CNBD1: variants seen among roughly 807,000 people sequenced by gnomAD.
The protein encoded by CNBD1 is cyclic nucleotide binding domain containing 1.
A neutral mutation model predicts 54.4 loss-of-function variants in CNBD1; 71 were observed. The ratio of observed to expected loss-of-function variants is 1.30; its 90% CI spans 1.08 to 1.59. The LOEUF is 1.59. Ranked by LOEUF, CNBD1 falls within the 40% of genes most tolerant of loss-of-function variation. CNBD1 has a pLI of 0.00. For synonymous variants in CNBD1, 182 were observed against 170.7 expected (o/e 1.07, Z -0.51); for missense variants, 659 against 518.0 (o/e 1.27, Z -2.64).
At chr8:87,114,832 G>T (rs1811737397) in intron 4 of CNBD1, among the ~76,000 whole-genome samples, 1 of 152,070 alleles carries the variant, frequency 6.6e-6, no homozygotes, top group African/African-American at 2.4e-5. Context: ...TACTACTTGT[G>T]TCTCTTTGAC....
chr8:86,933,708 C>T (rs991845251), intron 3 of CNBD1, among the ~76,000 whole-genome samples: 12 of 151,964 alleles, frequency 7.9e-5, no homozygotes, highest in Admixed American at 2.6e-4. Context: ...TGGGTGGGTA[C>T]ATTAAGATTC....
At chr8:87,266,436 A>AAAAAAATT in intron 6 of CNBD1, among the ~76,000 whole-genome samples, 1 of 76,226 alleles carries the variant, frequency 1.3e-5, no homozygotes, top group Non-Finnish European at 3.1e-5. Context: ...AAAAAAAAAA[A>AAAAAAATT]TCTTTTTTTT....
intron 8 of CNBD1, among the ~76,000 whole-genome samples, chr8:87,299,982 T>A (rs181748061): frequency 2.6e-5 from 4 of 152,012 alleles, no homozygotes; most frequent in Non-Finnish European, 5.9e-5. Context: ...GGCCTAGAAA[T>A]ATGGAGAAAA....
chr8:87,013,281 A>C (rs1192205815), intron 4 of CNBD1, among the ~76,000 whole-genome samples: 1 of 152,188 alleles, frequency 6.6e-6, no homozygotes, highest in Non-Finnish European at 1.5e-5. Flanking sequence ...GCAAGTTTGG[A>C]GGTGCATTTC....
chr8:87,001,778 T>C (rs563473921), intron 4 of CNBD1, among the ~76,000 whole-genome samples: 19 of 152,290 alleles, frequency 1.2e-4, no homozygotes, highest in Admixed American at 6.5e-5. Flanking sequence ...TATTAATGTC[T>C]TTAACTGGGG....
intron 1 of CNBD1, among the ~76,000 whole-genome samples, chr8:86,883,835 A>C (rs1808638372): frequency 2.6e-5 from 4 of 152,190 alleles, no homozygotes; most frequent in African/African-American, 7.2e-5. Context: ...AAGAGAAGTT[A>C]TTTTGATAAT....
chr8:87,132,616 A>T (rs930597295), intron 4 of CNBD1, among the ~76,000 whole-genome samples: 1 of 147,780 alleles, frequency 6.8e-6, no homozygotes, highest in African/African-American at 2.5e-5. Context: ...ATATATATTT[A>T]TGTATAATAT....
intron 4 of CNBD1, among the ~76,000 whole-genome samples, chr8:86,968,759 A>G (rs192226659): frequency 2.0e-5 from 3 of 152,344 alleles, no homozygotes; most frequent in Admixed American, 2.0e-4. Flanking sequence ...ATAGTTACTC[A>G]TAACTTAGTG....
chr8:87,159,021 AT>A lies in CNBD1; in HGVS notation c.432-46965del, dbSNP rs570676228. Among the ~76,000 whole-genome samples, 192 of 152,216 alleles carry A rather than the reference AT, an allele frequency of 1.3e-3. 4 individuals carry two copies. Among genetic ancestry groups the A allele is most frequent in the Non-Finnish European group, 9.7e-4 (66 of 67,998 alleles). ...GCTTATGGAATCCATTATTTATTTC[AT>A]TTTTTTGTAAGATCTAAGTAATATT... is the stretch of plus-strand genomic sequence containing the variant. On this transcript the variant is annotated intron_variant, in intron 4 of 10. Coordinates refer to ENST00000518476, the MANE Select transcript of CNBD1 (RefSeq NM_173538.3).
intron 6 of CNBD1, among the ~76,000 whole-genome samples, chr8:87,255,615 A>G (rs1169796896): frequency 6.6e-6 from 1 of 151,860 alleles, no homozygotes; most frequent in Non-Finnish European, 1.5e-5. Context: ...AGCATTTAAT[A>G]CAAATCTTTT....
intron 2 of CNBD1, among the ~76,000 whole-genome samples, chr8:87,397,968 C>T (rs111716126): frequency 0.015 from 2,280 of 152,016 alleles, 58 homozygotes; most frequent in African/African-American, 0.049. Flanking sequence ...TTCCCTTCTG[C>T]CATGATTATG....
At chr8:87,124,305 A>G (rs185332579) in intron 4 of CNBD1, among the ~76,000 whole-genome samples, 1 of 151,826 alleles carries the variant, frequency 6.6e-6, no homozygotes, top group Admixed American at 6.6e-5. Flanking sequence ...TTCTCCAGAC[A>G]TATGTTAGGT....
chr8:87,230,480 T>C (rs115115860), intron 5 of CNBD1, among the ~76,000 whole-genome samples: 6,074 of 152,272 alleles, frequency 0.04, 378 homozygotes, highest in African/African-American at 0.13. Context: ...AGAGCACTCA[T>C]ATGTATGTAT....
intron 2 of CNBD1, among the ~76,000 whole-genome samples, chr8:87,406,148 A>G (rs1807648538): frequency 2.0e-5 from 3 of 152,126 alleles, no homozygotes; most frequent in African/African-American, 7.2e-5. Flanking sequence ...AATTTAAAAG[A>G]TCATTAATTT....
chr8:87,270,348 A>G (rs9886390), intron 6 of CNBD1, among the ~76,000 whole-genome samples: 42,722 of 151,838 alleles, frequency 0.28, 6,452 homozygotes, highest in African/African-American at 0.39. Flanking sequence ...TGTGGCCAAC[A>G]AGCATATGAA....
intron 8 of CNBD1, among the ~76,000 whole-genome samples, chr8:87,324,626 A>G (rs7827085): frequency 0.052 from 7,838 of 150,622 alleles, 646 homozygotes; most frequent in African/African-American, 0.18. Context: ...GGTAGTTTGT[A>G]TTTCTGTGGG....
Position 87,205,974 on chromosome 8 carries a change from A to ATTTTT in CNBD1, c.432-8_432-4dup, listed in dbSNP as rs58151279. The ATTTTT allele has an allele frequency of 2.3e-6, 3 of 1,281,230 alleles. No individual in the cohort carries two copies. In the South Asian group the frequency reaches 5.4e-5, roughly 23 times the overall value. 79.4% of individuals were successfully genotyped at this position (1,281,230 alleles called of 1,614,324 possible). The stretch of plus-strand genomic sequence containing the variant: ...TTTATGCCATGGTCTCTGAATTTGT[A>ATTTTT]TTTTTTTTTTTTTTTGAGGCCCATT... On this transcript the variant is annotated intron_variant, in intron 4 of 10. Transcript: ENST00000518476.
Position 87,376,938 on chromosome 8 carries a change from T to A in CNBD1, c.1304-5682T>A, listed in dbSNP as rs576810848. 1.8e-4 allele frequency among the ~76,000 whole-genome samples: 27 copies of A among 151,386 alleles called. 1 individual carries two copies. In the South Asian group the frequency reaches 3.3e-3, roughly 19 times the overall value. On this transcript the variant is annotated intron_variant, in intron 10 of 10. Transcript: ENST00000518476. Reference sequence around the variant, plus strand: ...CTTGAGGACACATGTCTAACCACTGTTAGAGCACATCTTGGAACCCAAATA... The same window carrying A: ...CTTGAGGACACATGTCTAACCACTGATAGAGCACATCTTGGAACCCAAATA...
At chr8:86,900,747 A>G (rs544639067) in intron 2 of CNBD1, among the ~76,000 whole-genome samples, 1 of 152,298 alleles carries the variant, frequency 6.6e-6, no homozygotes, top group East Asian at 1.9e-4. Flanking sequence ...CAAATCAGAT[A>G]TTGATTCTCA....
Sources: gnomAD v4.1 joint callset for allele counts (sites outside exome capture counted in the v4.1 genomes callset) on GRCh38, gnomAD v4.1.1 for gene constraint, MANE v1.5 for transcripts, NCBI Gene and HGNC (gene_info 2026-07-23, HGNC 2026-07-21) for gene names.